Variants in ALDH3A1 observed in about 807,000 individuals in gnomAD.
ALDH3A1 encodes the protein aldehyde dehydrogenase, dimeric NADP-preferring.
ALDH3A1 carries 46 observed loss-of-function variants against 49.9 expected under a neutral mutation model. The observed-to-expected ratio is 0.92, with a 90% CI of 0.73 to 1.18. The LOEUF is 1.18. Among genes scored for constraint, ALDH3A1 ranks in the 50% most tolerant of loss-of-function variants. ALDH3A1 has a pLI of 0.00. For synonymous variants in ALDH3A1, 269 were observed against 253.3 expected, an observed-to-expected ratio of 1.06 and a Z score of -0.59; for missense variants, 592 against 611.8, an observed-to-expected ratio of 0.97 and a Z score of 0.34.
chr17:19,743,987 C>T lies in ALDH3A1; in HGVS notation c.163-524G>A. The T allele has an allele frequency of 1.0e-6, 1 of 985,306 alleles. No homozygotes were observed. The highest frequency in any genetic ancestry group is 4.7e-5 in the South Asian group (1 of 21,288). 61.0% of individuals were successfully genotyped at this position (985,306 alleles called of 1,614,324 possible). On this transcript the variant is annotated intron_variant, in intron 2 of 10. Transcript: ENST00000225740. This position sits in a 1 kb window ranked among gnomAD's most constrained non-coding sequence, Gnocchi z 4.4. ...AAGAGGAGATGCAGACGGCGGAAAA[C>T]GCGTCTCTTTTATAAACTTGGGCTG...
intron 7 of ALDH3A1, 76 bp from the exon 8 acceptor site, chr17:19,739,750 C>G: frequency 6.6e-7 from 1 of 1,521,672 alleles, no homozygotes; most frequent in Non-Finnish European, 8.9e-7. Flanking sequence ...ACCTAGACCC[C>G]TGCTCCAACC....
In ALDH3A1 at chr17:19,741,082, T is replaced by A. The variant is rs753394468; in HGVS notation, c.807+11A>T. On this transcript the variant is annotated intron_variant, in intron 6 of 10. Coordinates refer to ENST00000225740, the MANE Select transcript of ALDH3A1 (RefSeq NM_000691.5). The stretch of plus-strand genomic sequence containing the variant: ...CCTCTCATCCCACCCTGCCAAGGGG[T>A]CAACACTCACTTTCAGTGACTTCTT... The A allele has an allele frequency of 1.7e-5, 28 of 1,608,492 alleles. No individual in the cohort carries two copies. Among genetic ancestry groups the A allele is most frequent in the Non-Finnish European group, 2.1e-5 (25 of 1,175,122 alleles).
Position 19,738,979 on chromosome 17 carries a change from C to T in ALDH3A1, c.1216+17G>A, listed in dbSNP as rs138012937. 13 of 1,608,012 alleles carry T rather than the reference C, an allele frequency of 8.1e-6. No individual in the cohort carries two copies. The highest frequency in any genetic ancestry group is 1.1e-5 in the Non-Finnish European group (13 of 1,177,290). On this transcript the variant is annotated intron_variant, in intron 9 of 10. Coordinates refer to ENST00000225740, the MANE Select transcript of ALDH3A1 (RefSeq NM_000691.5). ...CTGGGGCCCAGAGGGAGGCAGCAAG[C>T]TCAGCCCCAGACTCACCCACGCCCC...
intron 2 of ALDH3A1, chr17:19,744,730 G>C (rs935978150): frequency 7.4e-7 from 1 of 1,352,904 alleles, no homozygotes; most frequent in Non-Finnish European, 9.5e-7. Flanking sequence ...AATGGGGGAC[G>C]CTGCGGGCGG....
At chr17:19,746,924 CATGAAACAAA>C (rs1387357493) in intron 1 of ALDH3A1, among the ~76,000 whole-genome samples, 1 of 152,082 alleles carries the variant, frequency 6.6e-6, no homozygotes, top group African/African-American at 2.4e-5. Flanking sequence ...ACTACATGCT[CATGAAACAAA>C]ATGTAAAATA....
chr17:19,738,983 GC>G lies in ALDH3A1; in HGVS notation c.1216+12del. 6.2e-7 allele frequency: 1 copy of G among 1,610,236 alleles called. No individual in the cohort carries two copies. ...GGCCCAGAGGGAGGCAGCAAGCTCAGCCCCAGACTCACCCACGCCCCCGAAG... is the reference window on the plus strand; with the variant it reads ...GGCCCAGAGGGAGGCAGCAAGCTCAGCCCAGACTCACCCACGCCCCCGAAG... On this transcript the variant is annotated intron_variant, in intron 9 of 10. Transcript: ENST00000225740.
In ALDH3A1 at chr17:19,748,070, C is replaced by T. The variant is rs58060020; in HGVS notation, c.-6+189G>A. 0.017 allele frequency: 4,167 copies of T among 249,454 alleles called. 178 individuals carry two copies. Among genetic ancestry groups the T allele is most frequent in the African/African-American group, 0.085 (3,868 of 45,462 alleles). 15.5% of individuals were successfully genotyped at this position (249,454 alleles called of 1,614,324 possible). ...GTCCCTGCTCCGCGGATCCCTGGGA[C>T]CTCTGCCTCCTGGTTTGGGGGATGG... is the stretch of plus-strand genomic sequence containing the variant. On this transcript the variant is annotated intron_variant, in intron 1 of 10. Transcript: ENST00000225740. This position sits in a 1 kb window ranked among gnomAD's most constrained non-coding sequence, Gnocchi z 4.4.
At chr17:19,744,895 T>TGGCCCC in intron 2 of ALDH3A1, 73 bp downstream of exon 2, 3 of 924,128 alleles carry the variant, frequency 3.2e-6, no homozygotes, top group Non-Finnish European at 4.2e-6. Flanking sequence ...GGTCGCACTC[T>TGGCCCC]CCCCAGCCCC....
intron 3 of ALDH3A1, chr17:19,742,884 A>C (rs2086525280): frequency 6.5e-7 from 1 of 1,529,080 alleles, no homozygotes; most frequent in African/African-American, 1.4e-5. Context: ...TGTTGGAGGA[A>C]AAGCAGAAAG....
chr17:19,746,453 A>G (rs1341284527), intron 1 of ALDH3A1, among the ~76,000 whole-genome samples: 1 of 152,136 alleles, frequency 6.6e-6, no homozygotes, highest in African/African-American at 2.4e-5. Context: ...GAGATTTGCT[A>G]GAAGTCAAGA....
At chr17:19,739,356 T>C (rs2086447224) in intron 8 of ALDH3A1, 152 bp downstream of exon 8, 2 of 985,478 alleles carry the variant, frequency 2.0e-6, no homozygotes, top group Non-Finnish European at 1.5e-6. Context: ...GTGATGCTGC[T>C]GTCCTGATCT....
At chr17:19,744,438 C>G (rs1239090090) in intron 2 of ALDH3A1, 1 of 985,062 alleles carries the variant, frequency 1.0e-6, no homozygotes, top group East Asian at 1.1e-4. Flanking sequence ...AATAAAAGTG[C>G]AGGAGCAAAG....
intron 1 of ALDH3A1, among the ~76,000 whole-genome samples, chr17:19,746,286 G>A (rs2152376468): frequency 6.6e-6 from 1 of 152,274 alleles, no homozygotes; most frequent in African/African-American, 2.4e-5. Context: ...CTACTTGGGA[G>A]GCTGAGGCAG....
chr17:19,746,709 GCA>G (rs2086605226), intron 1 of ALDH3A1, among the ~76,000 whole-genome samples: 1 of 150,570 alleles, frequency 6.6e-6, no homozygotes, highest in African/African-American at 2.5e-5. Flanking sequence ...GCGTGTGTGT[GCA>G]TGTGCGTGTG....
rs917520 is a variant in ALDH3A1 at position 19,738,134 on chromosome 17, G to A, written c.*87C>T. 8,429 of 1,608,126 alleles carry A rather than the reference G, an allele frequency of 5.2e-3. 295 individuals carry two copies. The East Asian group carries it at 0.099, about 19-fold the overall frequency. On this transcript the variant is annotated 3_prime_UTR_variant, in exon 11 of 11. Coordinates refer to ENST00000225740, the MANE Select transcript of ALDH3A1 (RefSeq NM_000691.5). ...GGGGCTGGGCTGGGGCTGCAGGAGCGATTCTCCCAGGGCCAGGAGAGCCAG... is the reference window on the plus strand; with the variant it reads ...GGGGCTGGGCTGGGGCTGCAGGAGCAATTCTCCCAGGGCCAGGAGAGCCAG...
At chr17:19,737,988 C>T, downstream of ALDH3A1, 1 of 1,453,016 alleles carries the variant, frequency 6.9e-7, no homozygotes, top group South Asian at 1.4e-5. Flanking sequence ...CCTGCATTTG[C>T]TGAGTTAGAA....
At chr17:19,744,817 G>T in intron 2 of ALDH3A1, 151 bp downstream of exon 2, 1 of 1,354,102 alleles carries the variant, frequency 7.4e-7, no homozygotes. Flanking sequence ...CGGCGGAGGG[G>T]AGGGCGGTGC....
chr17:19,745,115 G>T lies in ALDH3A1; in HGVS notation c.15C>A (p.Ser5Arg). 4 of 1,579,972 alleles carry T rather than the reference G, an allele frequency of 2.5e-6. No individual in the cohort carries two copies. The highest frequency in any genetic ancestry group is 1.7e-6 in the Non-Finnish European group (2 of 1,169,634). ...CGGCGCGGGCGCGCTTCACGGCCTC[G>T]CTGATCTTGCTCATGGCGCCTGGGG... MSKI[S>R]EAVKRARAAF... The change falls in exon 2 of 11, where the codon AGC becomes AGA. Residue 5 changes from serine to arginine, a missense_variant. Ser to Arg is a moderately radical substitution (Grantham distance 110). Coordinates refer to ENST00000225740, the MANE Select transcript of ALDH3A1 (RefSeq NM_000691.5).
At chr17:19,739,714 C>A (rs1167378691) in intron 7 of ALDH3A1, 40 bp from the exon 8 acceptor site, 2 of 1,603,894 alleles carry the variant, frequency 1.2e-6, no homozygotes, top group Non-Finnish European at 8.5e-7. Context: ...GGCGCAGAGA[C>A]CCCCACGCGG....
Sources: allele counts gnomAD v4.1 joint callset (sites outside exome capture counted in the v4.1 genomes callset), GRCh38; gene constraint gnomAD v4.1.1; non-coding constraint Gnocchi (gnomAD v3.1); transcripts MANE v1.5; gene names NCBI Gene and HGNC (gene_info 2026-07-23, HGNC 2026-07-21).